Variants in AGBL1 observed in about 807,000 individuals in gnomAD.
AGBL1 encodes the protein AGBL carboxypeptidase 1, also known as cytosolic carboxypeptidase 4.
AGBL1 carries 130 observed loss-of-function variants against 118.9 expected under a neutral mutation model. That is an observed-to-expected ratio of 1.09 (90% CI 0.95 to 1.26). The LOEUF is 1.26. AGBL1 is among the 50% of genes most tolerant of loss of function. The pLI is 0.00. For synonymous variants in AGBL1, 555 were observed against 478.9 expected (o/e 1.16, Z -2.08); for missense variants, 1,584 against 1,298.1 (o/e 1.22, Z -3.38).
At chr15:86,102,753 G>A (rs1896811725) in intron 1 of AGBL1, among the ~76,000 whole-genome samples, 1 of 152,190 alleles carries the variant, frequency 6.6e-6, no homozygotes, top group African/African-American at 2.4e-5. Flanking sequence ...TGACTAAAAT[G>A]TGCTGTGGAG....
intron 21 of AGBL1, among the ~76,000 whole-genome samples, chr15:86,573,293 A>G (rs1165686680): frequency 6.6e-6 from 1 of 152,228 alleles, no homozygotes; most frequent in African/African-American, 2.4e-5. Context: ...AAGTGCCAAG[A>G]ATATGACAGG....
At chr15:86,231,957 C>A (rs2078462824) in intron 6 of AGBL1, among the ~76,000 whole-genome samples, 1 of 152,110 alleles carries the variant, frequency 6.6e-6, no homozygotes, top group Non-Finnish European at 1.5e-5. Flanking sequence ...CTGAGTGGGA[C>A]CCAGCAAGAG....
chr15:86,203,264 C>T (rs1163691007), intron 5 of AGBL1, among the ~76,000 whole-genome samples: 1 of 152,082 alleles, frequency 6.6e-6, no homozygotes, highest in Non-Finnish European at 1.5e-5. Flanking sequence ...AACACATTTT[C>T]AAGAGCCTGA....
At chr15:86,240,227 C>T (rs1319139514) in intron 6 of AGBL1, among the ~76,000 whole-genome samples, 1 of 152,144 alleles carries the variant, frequency 6.6e-6, no homozygotes, top group African/African-American at 2.4e-5. Context: ...GATGATTAGC[C>T]TAGTGCAGAG....
intron 1 of AGBL1, among the ~76,000 whole-genome samples, chr15:86,128,984 C>T (rs996700867): frequency 1.6e-4 from 24 of 152,072 alleles, no homozygotes; most frequent in Admixed American, 1.3e-4. Flanking sequence ...ATAATGAAGC[C>T]AATCATGGAT....
chr15:86,441,157 G>A (rs8040289), intron 18 of AGBL1, among the ~76,000 whole-genome samples: 19,577 of 152,172 alleles, frequency 0.13, 1,337 homozygotes, highest in South Asian at 0.17. Context: ...AAGGGTGCTC[G>A]GTGTGGTTAT....
chr15:86,121,185 G>A (rs961608855), intron 1 of AGBL1, among the ~76,000 whole-genome samples: 2 of 152,096 alleles, frequency 1.3e-5, no homozygotes, highest in Admixed American at 1.3e-4. Context: ...GGTGTGAACC[G>A]CTGTGCCTGG....
chr15:86,851,232 A>C (rs1437193281), intron 22 of AGBL1, among the ~76,000 whole-genome samples: 1 of 152,166 alleles, frequency 6.6e-6, no homozygotes, highest in Non-Finnish European at 1.5e-5. Flanking sequence ...GCCCTGGGAG[A>C]AAATTGAAAG....
At chr15:86,817,147 C>T (rs762241548) in intron 22 of AGBL1, among the ~76,000 whole-genome samples, 1 of 151,706 alleles carries the variant, frequency 6.6e-6, no homozygotes, top group African/African-American at 2.4e-5. Flanking sequence ...AAAAATTAGC[C>T]AGGCGTGGTG....
At chr15:86,960,026 A>G (rs1360906796) in intron 23 of AGBL1, among the ~76,000 whole-genome samples, 1 of 152,140 alleles carries the variant, frequency 6.6e-6, no homozygotes, top group Non-Finnish European at 1.5e-5. Context: ...TGCAGCGCAT[A>G]ATATTTCAAA....
chr15:86,582,592 CA>C lies in AGBL1; in HGVS notation c.2994+28058del, dbSNP rs529894224. 1.9e-3 allele frequency among the ~76,000 whole-genome samples: 293 copies of C among 152,094 alleles called. 1 individual carries two copies. The highest frequency in any genetic ancestry group is 5.9e-3 in the African/African-American group (243 of 41,494). On this transcript the variant is annotated intron_variant, in intron 21 of 22. Transcript: ENST00000614907. ...TTTATTGAGGCACTATTCACAATAG[CA>C]AAGACTTGGAACCAAGCCAAATGTC...
chr15:86,599,789 A>T (rs1172073154), intron 21 of AGBL1, among the ~76,000 whole-genome samples: 1 of 152,248 alleles, frequency 6.6e-6, no homozygotes, highest in South Asian at 2.1e-4. Context: ...CATTCTGAAC[A>T]GTTGTGGTAA....
At chr15:86,620,024 C>T (rs2084782311) in intron 21 of AGBL1, among the ~76,000 whole-genome samples, 1 of 152,144 alleles carries the variant, frequency 6.6e-6, no homozygotes, top group Non-Finnish European at 1.5e-5. Flanking sequence ...CATAACTGTT[C>T]TTCCAGAAAT....
rs191013283 is a variant in AGBL1 at position 86,677,256 on chromosome 15, G to A, written c.3158+2820G>A. Among the ~76,000 whole-genome samples the A allele has an allele frequency of 4.6e-5, 7 of 152,276 alleles. No individual in the cohort carries two copies. In the East Asian group the frequency reaches 7.7e-4, roughly 17 times the overall value. On this transcript the variant is annotated intron_variant, in intron 22 of 22. Transcript: ENST00000614907. ...AGAGCAGAGGAAGAGCAGAGATAGC[G>A]GATGTTTGCCTGGTGGCTGACGCTG...
chr15:86,701,137 G>T (rs1028051431), intron 22 of AGBL1, among the ~76,000 whole-genome samples: 1 of 152,132 alleles, frequency 6.6e-6, no homozygotes, highest in Non-Finnish European at 1.5e-5. Flanking sequence ...TTTTAATTTT[G>T]TGCCTGCTTT....
intron 17 of AGBL1, among the ~76,000 whole-genome samples, chr15:86,382,630 C>G (rs2081127767): frequency 6.6e-6 from 1 of 152,050 alleles, no homozygotes; most frequent in African/African-American, 2.4e-5. Flanking sequence ...CCGCTGTAGT[C>G]ATTTTGAGTG....
intron 17 of AGBL1, among the ~76,000 whole-genome samples, chr15:86,368,082 G>A (rs41342449): frequency 0.21 from 32,187 of 151,968 alleles, 4,320 homozygotes; most frequent in East Asian, 0.65. Context: ...GCTGATTCAC[G>A]ACTTCGGGAT....
At chr15:86,469,962 T>G (rs2082458178) in intron 18 of AGBL1, among the ~76,000 whole-genome samples, 2 of 152,178 alleles carry the variant, frequency 1.3e-5, no homozygotes, top group African/African-American at 4.8e-5. Flanking sequence ...TCCTTATATA[T>G]TTTGGATGTT....
At chr15:86,164,789 A>G (rs1567097894) in intron 5 of AGBL1, among the ~76,000 whole-genome samples, 1 of 152,160 alleles carries the variant, frequency 6.6e-6, no homozygotes, top group Non-Finnish European at 1.5e-5. Flanking sequence ...CTTGAAGCCC[A>G]TTGTATTCTC....
Sources: allele counts gnomAD v4.1 joint callset (sites outside exome capture counted in the v4.1 genomes callset), GRCh38; gene constraint gnomAD v4.1.1; transcripts MANE v1.5; gene names NCBI Gene and HGNC (gene_info 2026-07-23, HGNC 2026-07-21).